RNGTT: variants seen among roughly 807,000 people sequenced by gnomAD.
RNGTT encodes the protein RNA guanylyltransferase and 5'-phosphatase.
In RNGTT, 33 loss-of-function variants were observed where a neutral mutation model predicts 79.3. That is an observed-to-expected ratio of 0.42 (90% CI 0.32 to 0.56). The LOEUF is 0.56. Ranked by LOEUF, RNGTT falls within the 20% of genes least tolerant of loss-of-function variation. The pLI is 0.17. For synonymous variants in RNGTT, 222 were observed against 235.9 expected (o/e 0.94, Z 0.54); for missense variants, 497 against 739.1 (o/e 0.67, Z 3.80).
At chr6:88,633,847 A>G (rs1480523149) in intron 14 of RNGTT, among the ~76,000 whole-genome samples, 3 of 152,198 alleles carry the variant, frequency 2.0e-5, no homozygotes, top group African/African-American at 7.2e-5. Context: ...ATTAGGACAT[A>G]CAATATCATC....
At chr6:88,833,451 T>C (rs1780948922) in intron 11 of RNGTT, among the ~76,000 whole-genome samples, 1 of 152,142 alleles carries the variant, frequency 6.6e-6, no homozygotes, top group East Asian at 1.9e-4. Flanking sequence ...AGGGATAGCA[T>C]TAGGAGAAAT....
At chr6:88,914,767 G>C (rs1365140178) in intron 4 of RNGTT, among the ~76,000 whole-genome samples, 1 of 152,006 alleles carries the variant, frequency 6.6e-6, no homozygotes, top group African/African-American at 2.4e-5. Flanking sequence ...AACAAAAATT[G>C]ACAAGTGGGA....
At chr6:88,871,080 T>G (rs536819914) in intron 8 of RNGTT, among the ~76,000 whole-genome samples, 3 of 152,230 alleles carry the variant, frequency 2.0e-5, no homozygotes, top group Admixed American at 6.5e-5. Context: ...AGGATTTTGC[T>G]CCAAAGAAAA....
At chr6:88,831,311 T>G (rs545439961) in intron 11 of RNGTT, among the ~76,000 whole-genome samples, 1 of 152,182 alleles carries the variant, frequency 6.6e-6, no homozygotes, top group South Asian at 2.1e-4. Flanking sequence ...ATGTAATCCA[T>G]CACATAAACA....
intron 13 of RNGTT, among the ~76,000 whole-genome samples, chr6:88,716,673 T>C (rs1776526349): frequency 6.6e-6 from 1 of 152,094 alleles, no homozygotes; most frequent in Non-Finnish European, 1.5e-5. Flanking sequence ...TGTAGGGACA[T>C]GGATGAAGCT....
intron 11 of RNGTT, among the ~76,000 whole-genome samples, chr6:88,806,450 T>G: frequency 6.6e-6 from 1 of 151,700 alleles, no homozygotes; most frequent in East Asian, 1.9e-4. Context: ...CCTAAGTAGC[T>G]AGATTACAGG....
chr6:88,636,269 G>A (rs965972564), intron 14 of RNGTT, among the ~76,000 whole-genome samples: 1 of 152,016 alleles, frequency 6.6e-6, no homozygotes, highest in Non-Finnish European at 1.5e-5. Flanking sequence ...TTTGGTTATA[G>A]CCTCCTGCAG....
chr6:88,734,252 C>G (rs922209181), intron 13 of RNGTT, among the ~76,000 whole-genome samples: 1 of 151,826 alleles, frequency 6.6e-6, no homozygotes, highest in Non-Finnish European at 1.5e-5. Flanking sequence ...TATTAGAAAG[C>G]AGATATAGAT....
intron 12 of RNGTT, among the ~76,000 whole-genome samples, chr6:88,780,573 A>G (rs1027127401): frequency 2.0e-5 from 3 of 152,184 alleles, no homozygotes; most frequent in Admixed American, 6.5e-5. Flanking sequence ...AGCTATAGTT[A>G]ACTGATAAAT....
intron 13 of RNGTT, among the ~76,000 whole-genome samples, chr6:88,711,764 GC>G (rs1425447074): frequency 6.6e-6 from 1 of 152,164 alleles, no homozygotes; most frequent in East Asian, 1.9e-4. Context: ...AAATGGACAG[GC>G]AGTAAGGAGC....
At chr6:88,706,316 T>G (rs993036370) in intron 13 of RNGTT, among the ~76,000 whole-genome samples, 16 of 151,980 alleles carry the variant, frequency 1.1e-4, no homozygotes, top group Non-Finnish European at 2.1e-4. Context: ...TCAGATAAAT[T>G]TTACAAGAAA....
At chr6:88,662,393 G>A (rs957871903) in intron 14 of RNGTT, among the ~76,000 whole-genome samples, 9 of 152,174 alleles carry the variant, frequency 5.9e-5, no homozygotes, top group Non-Finnish European at 1.0e-4. Flanking sequence ...TCTCAGTCAC[G>A]TAGCCCCCAC....
chr6:88,813,920 A>AT (rs1780225343), intron 11 of RNGTT, among the ~76,000 whole-genome samples: 1 of 152,186 alleles, frequency 6.6e-6, no homozygotes, highest in South Asian at 2.1e-4. Context: ...AACATCTATT[A>AT]CAATAATCTG....
intron 4 of RNGTT, among the ~76,000 whole-genome samples, chr6:88,907,307 C>CA (rs1404891899): frequency 2.0e-5 from 3 of 152,196 alleles, no homozygotes; most frequent in Admixed American, 6.5e-5. Context: ...TGGTTTCCCC[C>CA]ATGCTGTTCT....
At chr6:88,814,896 T>C (rs1780266559) in intron 11 of RNGTT, among the ~76,000 whole-genome samples, 1 of 152,190 alleles carries the variant, frequency 6.6e-6, no homozygotes. Context: ...TATGAGAAAT[T>C]GCAAAAATAT....
intron 14 of RNGTT, among the ~76,000 whole-genome samples, chr6:88,667,570 T>G (rs1426771594): frequency 6.6e-6 from 1 of 151,874 alleles, no homozygotes; most frequent in Non-Finnish European, 1.5e-5. Context: ...GGTTCTAGTG[T>G]GTACATACTC....
chr6:88,771,925 T>G (rs1187490124), intron 12 of RNGTT, among the ~76,000 whole-genome samples: 1 of 152,064 alleles, frequency 6.6e-6, no homozygotes. Context: ...CGCCTGTAAT[T>G]CCAGCACTTT....
Position 88,801,466 on chromosome 6 carries a change from T to C in RNGTT, c.1338+98A>G, listed in dbSNP as rs567677393. ...CAGTAATCAATCCCAAGTAAATAAGTTTGAGGCATACATGTGTATGTGTAT... is the reference window on the plus strand; with the variant it reads ...CAGTAATCAATCCCAAGTAAATAAGCTTGAGGCATACATGTGTATGTGTAT... On this transcript the variant is annotated intron_variant, in intron 12 of 15. Transcript: ENST00000369485. 3.0e-5 allele frequency: 26 copies of C among 855,104 alleles called. No individual in the cohort carries two copies. In the African/African-American group the frequency reaches 4.2e-4, roughly 14 times the overall value. The allele number at this position is 855,104 out of a possible 1,614,324, so 53.0% of individuals were successfully genotyped here. A position where few individuals can be genotyped will look rare whatever the true frequency, so the allele number is the denominator to read the frequency against.
At chr6:88,678,237 C>A in intron 14 of RNGTT, 116 bp downstream of exon 14, 1 of 1,417,118 alleles carries the variant, frequency 7.1e-7, no homozygotes, top group South Asian at 1.5e-5. Context: ...CCTGTCTTAG[C>A]CTCCCAAAGT....
Sources: allele counts gnomAD v4.1 joint callset (sites outside exome capture counted in the v4.1 genomes callset), GRCh38; gene constraint gnomAD v4.1.1; transcripts MANE v1.5; gene names NCBI Gene and HGNC (gene_info 2026-07-23, HGNC 2026-07-21).